Variants in PTGFRN observed in about 807,000 individuals in gnomAD.
PTGFRN encodes prostaglandin F2 receptor inhibitor.
Under a neutral mutation model 83.2 loss-of-function variants are expected in PTGFRN, and 35 were observed. The ratio of observed to expected loss-of-function variants is 0.42; its 90% CI spans 0.32 to 0.56. The LOEUF is 0.56. PTGFRN is among the 20% of genes least tolerant of loss of function. The pLI is 0.11. For synonymous variants in PTGFRN, 519 were observed against 498.6 expected (o/e 1.04, Z -0.55); for missense variants, 1,051 against 1,179.5 (o/e 0.89, Z 1.60).
At chr1:116,954,980 A>C (rs1403320227) in intron 4 of PTGFRN, among the ~76,000 whole-genome samples, 1 of 152,238 alleles carries the variant, frequency 6.6e-6, no homozygotes, top group African/African-American at 2.4e-5. Context: ...CCTTCCTTAC[A>C]AAATTGTCAT....
At chr1:116,962,844 G>T (rs992094010) in intron 5 of PTGFRN, among the ~76,000 whole-genome samples, 2 of 152,152 alleles carry the variant, frequency 1.3e-5, no homozygotes, top group Non-Finnish European at 1.5e-5. Context: ...CACTGCCATT[G>T]TGTCTTCACG....
At chr1:116,979,452 G>C (rs866172145) in intron 7 of PTGFRN, among the ~76,000 whole-genome samples, 5 of 152,268 alleles carry the variant, frequency 3.3e-5, no homozygotes, top group South Asian at 4.2e-4. Flanking sequence ...GAGGTATCAC[G>C]CTGCCTGACT....
At chr1:116,985,726 C>T (rs1018165823) in intron 8 of PTGFRN, among the ~76,000 whole-genome samples, 3 of 147,272 alleles carry the variant, frequency 2.0e-5, no homozygotes, top group African/African-American at 7.4e-5. Flanking sequence ...AAAAAAGAGA[C>T]TCCTTCTGGA....
Position 116,961,232 on chromosome 1 carries a change from C to T in PTGFRN, c.1214-11C>T, listed in dbSNP as rs1368679756. The T allele has an allele frequency of 1.3e-6, 2 of 1,500,690 alleles. No individual in the cohort carries two copies. The highest frequency in any genetic ancestry group is 1.5e-5 in the South Asian group (1 of 68,842). The allele number at this position is 1,500,690 out of a possible 1,614,324, so 93.0% of individuals were successfully genotyped here. On this transcript the variant is annotated splice_polypyrimidine_tract_variant and intron_variant, in intron 4 of 8. Coordinates refer to ENST00000393203, the MANE Select transcript of PTGFRN (RefSeq NM_020440.4). The surrounding 1 kb of genome is among the most constrained non-coding windows in gnomAD (Gnocchi z 5.4). ...TATTTTCCTATCCTGGCCTTTCTGT[C>T]TCTCGTTCAGAACCAGACTACCAGG...
chr1:116,942,898 G>A (rs1650095578), intron 2 of PTGFRN, among the ~76,000 whole-genome samples: 1 of 152,224 alleles, frequency 6.6e-6, no homozygotes, highest in Non-Finnish European at 1.5e-5. Flanking sequence ...GGAAATGGAA[G>A]AGCATAGGTT....
Position 116,942,148 on chromosome 1 carries a change from G to A in PTGFRN, c.418+65G>A, listed in dbSNP as rs1205606184. The stretch of plus-strand genomic sequence containing the variant: ...CCTTTCTCTGCCCCTGGGCTGTGGT[G>A]GACTTTGTCAAGAGACTTAATTTCT... On this transcript the variant is annotated intron_variant, in intron 2 of 8. Transcript: ENST00000393203. 9 of 1,528,376 alleles carry A rather than the reference G, an allele frequency of 5.9e-6. No individual in the cohort carries two copies. In the Admixed American group the frequency reaches 1.7e-4, roughly 28 times the overall value. 94.7% of individuals were successfully genotyped at this position (1,528,376 alleles called of 1,614,324 possible).
intron 1 of PTGFRN, among the ~76,000 whole-genome samples, chr1:116,926,078 G>A (rs1279703108): frequency 6.6e-6 from 1 of 152,186 alleles, no homozygotes; most frequent in Non-Finnish European, 1.5e-5. Context: ...TTAAAGTGTT[G>A]TTGGGGAGGA....
intron 1 of PTGFRN, among the ~76,000 whole-genome samples, chr1:116,930,331 T>C (rs565826808): frequency 2.4e-4 from 37 of 152,364 alleles, no homozygotes; most frequent in African/African-American, 8.2e-4. Context: ...TGCTCATGCC[T>C]TAAACATAGG....
At chr1:116,915,089 A>C (rs970164441) in intron 1 of PTGFRN, among the ~76,000 whole-genome samples, 7 of 152,222 alleles carry the variant, frequency 4.6e-5, no homozygotes, top group African/African-American at 1.7e-4. Flanking sequence ...CAGACCTAGG[A>C]TCTGATCTCA....
chr1:116,976,392 G>A (rs1324051750), intron 7 of PTGFRN, among the ~76,000 whole-genome samples: 2 of 152,260 alleles, frequency 1.3e-5, no homozygotes, highest in East Asian at 3.9e-4. Flanking sequence ...GATACTCCTC[G>A]AGAAGAGGAA....
At chr1:116,976,664 A>G (rs1208893068) in intron 7 of PTGFRN, among the ~76,000 whole-genome samples, 1 of 152,206 alleles carries the variant, frequency 6.6e-6, no homozygotes, top group Admixed American at 6.5e-5. Flanking sequence ...TTTACAGACA[A>G]GCAAATGCTG....
rs1006626268 is a variant in PTGFRN at position 116,966,806 on chromosome 1, G to A, written c.1640-105G>A. On this transcript the variant is annotated intron_variant, in intron 5 of 8. Coordinates refer to ENST00000393203, the MANE Select transcript of PTGFRN (RefSeq NM_020440.4). ...AGATTTTCGTAGGTGCTTTTGTGTG[G>A]CAATTTGCAAATACATTTCTGTTTC... 10 of 1,256,096 alleles carry A rather than the reference G, an allele frequency of 8.0e-6. No individual in the cohort carries two copies. In the Admixed American group the frequency reaches 1.6e-4, roughly 21 times the overall value. The allele number at this position is 1,256,096 out of a possible 1,614,324, so 77.8% of individuals were successfully genotyped here.
chr1:116,968,407 A>G (rs779438066), intron 6 of PTGFRN, among the ~76,000 whole-genome samples: 20 of 152,044 alleles, frequency 1.3e-4, no homozygotes, highest in Non-Finnish European at 2.5e-4. Context: ...ATGGTATATA[A>G]TATATACCAT....
At chr1:116,981,231 C>T (rs1000718435) in intron 7 of PTGFRN, among the ~76,000 whole-genome samples, 2 of 152,184 alleles carry the variant, frequency 1.3e-5, no homozygotes, top group Middle Eastern at 3.4e-3. Context: ...AGGACTGTAC[C>T]CACCTCTGCC....
chr1:116,914,623 A>G (rs1649354262), intron 1 of PTGFRN, among the ~76,000 whole-genome samples: 1 of 152,186 alleles, frequency 6.6e-6, no homozygotes, highest in Non-Finnish European at 1.5e-5. Flanking sequence ...GTATGGTGGC[A>G]TGTGCCTGTG....
chr1:116,921,016 T>G (rs965075673), intron 1 of PTGFRN, among the ~76,000 whole-genome samples: 4 of 152,324 alleles, frequency 2.6e-5, no homozygotes, highest in South Asian at 2.1e-4. Flanking sequence ...TTTTCATTGC[T>G]TTGGTCTGAA....
chr1:116,960,600 A>G (rs1049492641), intron 4 of PTGFRN, among the ~76,000 whole-genome samples: 2 of 152,182 alleles, frequency 1.3e-5, no homozygotes, highest in African/African-American at 4.8e-5. Context: ...AGTAGCGAGA[A>G]TGTCTGTGGG....
In PTGFRN at chr1:116,971,458, C is replaced by T. The variant is rs193265177; in HGVS notation, c.2060-2758C>T. On this transcript the variant is annotated intron_variant, in intron 6 of 8. Coordinates refer to ENST00000393203, the MANE Select transcript of PTGFRN (RefSeq NM_020440.4). Reference sequence around the variant, plus strand: ...CTGCAGACTAGGAATTGGGGGACCCCTAGTGACTCCGGTTGTTCATTTAAA... The same window carrying T: ...CTGCAGACTAGGAATTGGGGGACCCTTAGTGACTCCGGTTGTTCATTTAAA... 2.0e-5 allele frequency among the ~76,000 whole-genome samples: 3 copies of T among 152,270 alleles called. No homozygotes were observed. In the East Asian group the frequency reaches 5.8e-4, roughly 29 times the overall value.
intron 1 of PTGFRN, among the ~76,000 whole-genome samples, chr1:116,939,034 G>T (rs187152980): frequency 6.6e-6 from 1 of 152,368 alleles, no homozygotes; most frequent in East Asian, 1.9e-4. Context: ...GTCTTGGGCA[G>T]GCTCCGCCCC....
Sources: allele counts gnomAD v4.1 joint callset (sites outside exome capture counted in the v4.1 genomes callset), GRCh38; gene constraint gnomAD v4.1.1; non-coding constraint Gnocchi (gnomAD v3.1); transcripts MANE v1.5; gene names NCBI Gene and HGNC (gene_info 2026-07-23, HGNC 2026-07-21).